Variants in L3MBTL4 observed in about 807,000 individuals in gnomAD.
L3MBTL4 encodes L3MBTL histone methyl-lysine binding protein 4.
L3MBTL4 carries 70 observed loss-of-function variants against 84.5 expected under a neutral mutation model. That is an observed-to-expected ratio of 0.83 (90% CI 0.68 to 1.01). The LOEUF (loss-of-function observed/expected upper bound fraction) is 1.01. Among genes scored for constraint, L3MBTL4 ranks in the 50% least tolerant of loss-of-function variants. The probability of loss-of-function intolerance (pLI) is 0.00; values close to 1 mark genes in which losing one functional copy is unlikely to be tolerated. For synonymous variants in L3MBTL4, 274 were observed against 259.8 expected (o/e 1.05, Z -0.52); for missense variants, 715 against 754.8 (o/e 0.95, Z 0.62).
chr18:5,958,106 G>GAAGAAGAAA (rs2095240818), intron 18 of L3MBTL4, among the ~76,000 whole-genome samples: 5 of 91,538 alleles, frequency 5.5e-5, no homozygotes, highest in African/African-American at 1.1e-4. Flanking sequence ...AGAAGAAGAA[G>GAAGAAGAAA]AAGAAGAAGA....
intron 16 of L3MBTL4, among the ~76,000 whole-genome samples, chr18:6,024,461 A>G (rs909352227): frequency 2.0e-5 from 3 of 152,226 alleles, no homozygotes; most frequent in Admixed American, 1.3e-4. Context: ...AGGGCAGAAA[A>G]TACAGCAAGA....
chr18:6,361,458 G>A (rs569092518), intron 1 of L3MBTL4, among the ~76,000 whole-genome samples: 2 of 152,240 alleles, frequency 1.3e-5, no homozygotes, highest in South Asian at 2.1e-4. Flanking sequence ...ACAGATCCAG[G>A]GGTGGCCTCC....
intron 14 of L3MBTL4, among the ~76,000 whole-genome samples, chr18:6,097,535 A>C (rs2058681341): frequency 6.6e-6 from 1 of 152,156 alleles, no homozygotes; most frequent in South Asian, 2.1e-4. Flanking sequence ...TTTCCACGGC[A>C]GGGGTACCTG....
chr18:6,088,316 T>G (rs1161045754), intron 15 of L3MBTL4, among the ~76,000 whole-genome samples: 2 of 152,180 alleles, frequency 1.3e-5, no homozygotes, highest in African/African-American at 2.4e-5. Context: ...TTGCTCAAAA[T>G]CTATTTAACT....
intron 13 of L3MBTL4, among the ~76,000 whole-genome samples, chr18:6,157,511 G>T (rs1254287844): frequency 6.6e-6 from 1 of 152,090 alleles, no homozygotes; most frequent in East Asian, 1.9e-4. Flanking sequence ...TGTAGATTAA[G>T]AATTTTATCT....
rs563211508 is a variant in L3MBTL4, at chr18:6,035,973, A to G, written c.1444+44908T>C. On this transcript the variant is annotated intron_variant, in intron 16 of 18. Coordinates refer to ENST00000317931, the MANE Select transcript of L3MBTL4 (RefSeq NM_001330559.2). Reference sequence around the variant, plus strand: ...TGCTTTTAAAGGATGGTATTTCTGGATGAAAAATTCTTGGTTGACAGTATC... The same window carrying G: ...TGCTTTTAAAGGATGGTATTTCTGGGTGAAAAATTCTTGGTTGACAGTATC... Among the ~76,000 whole-genome samples the G allele has an allele frequency of 8.5e-5, 13 of 152,348 alleles. No individual in the cohort carries two copies. In the East Asian group the frequency reaches 2.5e-3, roughly 29 times the overall value.
chr18:6,110,104 A>T (rs1056143962), intron 14 of L3MBTL4, among the ~76,000 whole-genome samples: 4 of 151,892 alleles, frequency 2.6e-5, no homozygotes, highest in Admixed American at 2.0e-4. Context: ...AAGTATAATA[A>T]CTCAGTCTAC....
rs567985353 is a variant in L3MBTL4, at chr18:6,207,909, A to G, written c.981+5240T>C. Among the ~76,000 whole-genome samples, 9 of 152,132 alleles carry G rather than the reference A, an allele frequency of 5.9e-5. No homozygotes were observed. The East Asian group carries it at 1.4e-3, about 23-fold the overall frequency. ...CACTTCAGCTCAGGAGTTCAAGACC[A>G]GCCTGGGCAACACTGCAAACCCCCA... On this transcript the variant is annotated intron_variant, in intron 12 of 18. Transcript: ENST00000317931.
chr18:6,414,368 G>A lies in L3MBTL4; in HGVS notation c.-91+433C>T, dbSNP rs1342404306. Among the ~76,000 whole-genome samples, 1 of 152,166 alleles carries A rather than the reference G, an allele frequency of 6.6e-6. No individual in the cohort carries two copies. The highest frequency in any genetic ancestry group is 1.5e-5 in the Non-Finnish European group (1 of 68,020). On this transcript the variant is annotated intron_variant, in intron 1 of 18. Transcript: ENST00000317931. This position sits in a 1 kb window ranked among gnomAD's most constrained non-coding sequence, Gnocchi z 5.4. Reference sequence around the variant, plus strand: ...AGGAAACAAAAGCCAAATGCCCACCGCCGGGCGCTCGATGGCCGGAGGACT... The same window carrying A: ...AGGAAACAAAAGCCAAATGCCCACCACCGGGCGCTCGATGGCCGGAGGACT...
chr18:6,357,840 C>T (rs2053515211), intron 1 of L3MBTL4, among the ~76,000 whole-genome samples: 2 of 152,298 alleles, frequency 1.3e-5, no homozygotes, highest in South Asian at 2.1e-4. Context: ...ATTACTCCTG[C>T]ATGCATCATT....
intron 1 of L3MBTL4, among the ~76,000 whole-genome samples, chr18:6,408,316 A>C (rs1271122993): frequency 6.6e-6 from 1 of 152,208 alleles, no homozygotes; most frequent in East Asian, 1.9e-4. Context: ...GGTAAATAAG[A>C]AAAAACAATC....
intron 15 of L3MBTL4, among the ~76,000 whole-genome samples, chr18:6,089,753 G>A (rs962737092): frequency 1.3e-5 from 2 of 152,146 alleles, no homozygotes; most frequent in Admixed American, 6.5e-5. Context: ...TTAGCATAAC[G>A]CTTTGCAGCC....
rs932473778 is a variant in L3MBTL4, at chr18:6,311,692, G to T, written c.-31-36C>A. 9 of 1,194,286 alleles carry T rather than the reference G, an allele frequency of 7.5e-6. No individual in the cohort carries two copies. The African/African-American group carries it at 1.1e-4, about 14-fold the overall frequency. The allele number at this position is 1,194,286 out of a possible 1,614,324, so 74.0% of individuals were successfully genotyped here. A position where few individuals can be genotyped will look rare whatever the true frequency, so the allele number is the denominator to read the frequency against. On this transcript the variant is annotated intron_variant, in intron 2 of 18. Coordinates refer to ENST00000317931, the MANE Select transcript of L3MBTL4 (RefSeq NM_001330559.2). ...GGGTTACATAAGAAGTTGGGGATGGGGGTGTGACCCCTTCAGAATTACAGA... is the reference window on the plus strand; with the variant it reads ...GGGTTACATAAGAAGTTGGGGATGGTGGTGTGACCCCTTCAGAATTACAGA...
chr18:6,041,196 C>T (rs773178323), intron 16 of L3MBTL4, among the ~76,000 whole-genome samples: 10 of 152,238 alleles, frequency 6.6e-5, no homozygotes, highest in East Asian at 3.9e-4. Flanking sequence ...TACATGCAGT[C>T]TATCAGTGGT....
intron 1 of L3MBTL4, among the ~76,000 whole-genome samples, chr18:6,382,159 G>A (rs750152062): frequency 6.6e-5 from 10 of 152,044 alleles, no homozygotes; most frequent in Non-Finnish European, 1.5e-4. Flanking sequence ...CGAAGTTCTC[G>A]TGCTGTGCTT....
chr18:6,152,707 C>T (rs1438391951), intron 13 of L3MBTL4, among the ~76,000 whole-genome samples: 2 of 152,120 alleles, frequency 1.3e-5, no homozygotes, highest in Non-Finnish European at 2.9e-5. Context: ...GTTGTTTCTT[C>T]ATTCTATTGA....
chr18:6,345,773 A>C (rs542305913), intron 1 of L3MBTL4, among the ~76,000 whole-genome samples: 1 of 152,264 alleles, frequency 6.6e-6, no homozygotes, highest in East Asian at 1.9e-4. Flanking sequence ...TATTCAATGC[A>C]TTCCTTATCA....
chr18:5,976,695 G>A (rs575749165), intron 16 of L3MBTL4, among the ~76,000 whole-genome samples: 1 of 152,132 alleles, frequency 6.6e-6, no homozygotes, highest in African/African-American at 2.4e-5. Context: ...TGTTTGTCTG[G>A]CTTATAACTG....
At chr18:5,959,396 T>A (rs2095250839) in intron 18 of L3MBTL4, among the ~76,000 whole-genome samples, 1 of 152,186 alleles carries the variant, frequency 6.6e-6, no homozygotes, top group Admixed American at 6.5e-5. Flanking sequence ...GCCTGGCACA[T>A]GGCAAGCCCC....
Sources: allele counts gnomAD v4.1 joint callset (sites outside exome capture counted in the v4.1 genomes callset), GRCh38; gene constraint gnomAD v4.1.1; non-coding constraint Gnocchi (gnomAD v3.1); transcripts MANE v1.5; gene names NCBI Gene and HGNC (gene_info 2026-07-23, HGNC 2026-07-21).